The following GRM5 variants were observed in gnomAD, a reference collection of about 807,000 sequenced individuals.
The protein encoded by GRM5 is glutamate metabotropic receptor 5, also known as metabotropic glutamate receptor 5.
Under a neutral mutation model 83.1 loss-of-function variants are expected in GRM5, and 19 were observed. The observed-to-expected ratio is 0.23, with a 90% CI of 0.16 to 0.34. GRM5 has a LOEUF of 0.34. Ranked by LOEUF, GRM5 falls within the 10% of genes least tolerant of loss-of-function variation. The pLI is 1.00. For synonymous variants in GRM5, 675 were observed against 633.6 expected (o/e 1.07, Z -0.98); for missense variants, 1,160 against 1,588.3 (o/e 0.73, Z 4.58).
At chr11:88,886,946 T>C (rs1945054187) in intron 2 of GRM5, among the ~76,000 whole-genome samples, 1 of 152,162 alleles carries the variant, frequency 6.6e-6, no homozygotes, top group African/African-American at 2.4e-5. Context: ...AGCATCTCTC[T>C]CTGCCCTTGG....
intron 2 of GRM5, among the ~76,000 whole-genome samples, chr11:88,874,420 C>A (rs1944817519): frequency 1.3e-5 from 2 of 151,830 alleles, no homozygotes. Context: ...TATCTCTTAT[C>A]ACTTACAAAA....
chr11:88,724,147 C>G (rs971881343), intron 3 of GRM5, among the ~76,000 whole-genome samples: 1 of 152,130 alleles, frequency 6.6e-6, no homozygotes. Flanking sequence ...TTCTTTCCTG[C>G]TTAGTTTAAC....
chr11:88,924,530 C>G (rs1945753570), intron 2 of GRM5, among the ~76,000 whole-genome samples: 1 of 151,986 alleles, frequency 6.6e-6, no homozygotes, highest in South Asian at 2.1e-4. Flanking sequence ...AGACATTATA[C>G]TAAGTCAAAT....
chr11:88,893,649 A>G (rs1248534078), intron 2 of GRM5, among the ~76,000 whole-genome samples: 1 of 152,084 alleles, frequency 6.6e-6, no homozygotes, highest in Non-Finnish European at 1.5e-5. Context: ...GAAAACCAGT[A>G]TCACAACCCA....
At chr11:89,049,749 A>G (rs553938601) in intron 1 of GRM5, among the ~76,000 whole-genome samples, 50 of 152,324 alleles carry the variant, frequency 3.3e-4, no homozygotes, top group African/African-American at 1.1e-3. Context: ...GACATTTGGG[A>G]ATATATAGAA....
rs181589847 is a variant in GRM5, at chr11:88,645,124, A to G, written c.1147+8044T>C. ...GAAATCTCATTGCCAATGTACTTTT[A>G]CATTGCTCTGAACCCGTTCATTTAA... On this transcript the variant is annotated intron_variant, in intron 4 of 9. Coordinates refer to ENST00000305447, the MANE Select transcript of GRM5 (RefSeq NM_001143831.3). 3.0e-4 allele frequency among the ~76,000 whole-genome samples: 46 copies of G among 152,292 alleles called. 1 individual carries two copies. Among genetic ancestry groups the G allele is most frequent in the Admixed American group, 2.8e-3 (43 of 15,286 alleles).
chr11:89,000,474 A>G (rs987920436), intron 2 of GRM5, among the ~76,000 whole-genome samples: 13 of 152,194 alleles, frequency 8.5e-5, no homozygotes, highest in African/African-American at 3.1e-4. Context: ...AGCCTTTTTA[A>G]TAAGTGATAT....
chr11:88,843,675 T>G (rs573089287), intron 3 of GRM5, among the ~76,000 whole-genome samples: 1 of 152,290 alleles, frequency 6.6e-6, no homozygotes, highest in East Asian at 1.9e-4. Flanking sequence ...ATGATTATAC[T>G]TAATGAGGAA....
At chr11:88,531,196 A>T (rs7931201) in intron 8 of GRM5, among the ~76,000 whole-genome samples, 1,994 of 152,212 alleles carry the variant, frequency 0.013, 49 homozygotes, top group African/African-American at 0.045. Flanking sequence ...GTCCTGTGAA[A>T]CACGTGATAT....
At chr11:89,019,315 A>C (rs1028109415) in intron 2 of GRM5, among the ~76,000 whole-genome samples, 1 of 152,054 alleles carries the variant, frequency 6.6e-6, no homozygotes, top group Non-Finnish European at 1.5e-5. Flanking sequence ...TTTATGTTAC[A>C]CTTGATCACC....
intron 2 of GRM5, among the ~76,000 whole-genome samples, chr11:88,873,310 T>C (rs1944800071): frequency 6.6e-6 from 1 of 151,558 alleles, no homozygotes; most frequent in Admixed American, 6.6e-5. Flanking sequence ...CATCCAGATA[T>C]AGTGAAATAT....
intron 3 of GRM5, among the ~76,000 whole-genome samples, chr11:88,783,559 T>A (rs141588661): frequency 6.6e-6 from 1 of 152,084 alleles, no homozygotes; most frequent in Non-Finnish European, 1.5e-5. Context: ...GCAACCATAT[T>A]GTATAGTTAG....
At chr11:88,604,305 A>G (rs895096200) in intron 5 of GRM5, among the ~76,000 whole-genome samples, 4 of 152,356 alleles carry the variant, frequency 2.6e-5, no homozygotes, top group South Asian at 4.1e-4. Context: ...ACAACAGAAC[A>G]GAACCTCAGC....
At chr11:88,886,269 C>A (rs1015862368) in intron 2 of GRM5, among the ~76,000 whole-genome samples, 1 of 152,148 alleles carries the variant, frequency 6.6e-6, no homozygotes, top group Non-Finnish European at 1.5e-5. Context: ...TGATGACAAA[C>A]CCTGGGTTTA....
chr11:88,835,962 C>T (rs1302160458), intron 3 of GRM5, among the ~76,000 whole-genome samples: 1 of 151,996 alleles, frequency 6.6e-6, no homozygotes, highest in African/African-American at 2.4e-5. Flanking sequence ...GGCATTCAAG[C>T]CTGTACCCTC....
At chr11:88,651,014 A>AG (rs913337011) in intron 4 of GRM5, among the ~76,000 whole-genome samples, 45 of 151,536 alleles carry the variant, frequency 3.0e-4, no homozygotes, top group African/African-American at 6.8e-4. Context: ...CGAGATTCCA[A>AG]GGGGGGGGAT....
chr11:88,830,263 ATTC>A (rs1225085523), intron 3 of GRM5, among the ~76,000 whole-genome samples: 1 of 151,860 alleles, frequency 6.6e-6, no homozygotes, highest in African/African-American at 2.4e-5. Flanking sequence ...TTTGGAAAGT[ATTC>A]TTCTGACATT....
At chr11:88,854,294 A>T (rs1286102751) in intron 2 of GRM5, among the ~76,000 whole-genome samples, 1 of 151,838 alleles carries the variant, frequency 6.6e-6, no homozygotes, top group Non-Finnish European at 1.5e-5. Flanking sequence ...CAACTATGTG[A>T]CCAGCAATCA....
intron 3 of GRM5, among the ~76,000 whole-genome samples, chr11:88,764,054 G>C (rs1055552548): frequency 6.6e-6 from 1 of 151,506 alleles, no homozygotes; most frequent in Admixed American, 6.6e-5. Flanking sequence ...CAAACCAAAA[G>C]ACAGAAAATA....
Sources: gnomAD v4.1 joint callset for allele counts (sites outside exome capture counted in the v4.1 genomes callset) on GRCh38, gnomAD v4.1.1 for gene constraint, MANE v1.5 for transcripts, NCBI Gene and HGNC (gene_info 2026-07-23, HGNC 2026-07-21) for gene names.